The following DLG2 variants were observed in gnomAD, a reference collection of about 807,000 sequenced individuals.
DLG2 encodes discs large MAGUK scaffold protein 2.
DLG2 carries 45 observed loss-of-function variants against 132.5 expected under a neutral mutation model. The ratio of observed to expected loss-of-function variants is 0.34; its 90% confidence interval spans 0.27 to 0.44. The LOEUF (loss-of-function observed/expected upper bound fraction) is 0.44, where lower values mean the gene tolerates loss of function less well. DLG2 is among the 20% of genes least tolerant of loss of function. The pLI is 1.00. For missense variants in DLG2, 1,045 were observed against 1,196.9 expected (o/e 0.87, Z 1.87); for synonymous variants, 424 against 419.6 (o/e 1.01, Z -0.13).
chr11:84,790,595 T>C (rs975178083), intron 6 of DLG2, among the ~76,000 whole-genome samples: 1 of 152,178 alleles, frequency 6.6e-6, no homozygotes, highest in Non-Finnish European at 1.5e-5. Flanking sequence ...CTTGATGTGA[T>C]TGCATTTGTC....
intron 18 of DLG2, among the ~76,000 whole-genome samples, chr11:83,728,171 C>T (rs2090364515): frequency 6.6e-6 from 1 of 152,180 alleles, no homozygotes; most frequent in African/African-American, 2.4e-5. Context: ...CCTCTTATGT[C>T]ACGTTCCCTT....
chr11:84,274,068 T>C (rs895831824), intron 7 of DLG2, among the ~76,000 whole-genome samples: 1 of 152,194 alleles, frequency 6.6e-6, no homozygotes, highest in Non-Finnish European at 1.5e-5. Flanking sequence ...TAGGCTGGAA[T>C]GTGTTAATTC....
chr11:85,418,492 A>G (rs1427769406), intron 3 of DLG2, among the ~76,000 whole-genome samples: 1 of 152,160 alleles, frequency 6.6e-6, no homozygotes, highest in Non-Finnish European at 1.5e-5. Flanking sequence ...AGTCCTGAAT[A>G]TCCCTGTTAA....
At chr11:85,396,347 C>CA (rs1432438670) in intron 3 of DLG2, among the ~76,000 whole-genome samples, 1 of 151,848 alleles carries the variant, frequency 6.6e-6, no homozygotes, top group Non-Finnish European at 1.5e-5. Context: ...GCTGAAATTC[C>CA]AAAAAAGAGA....
chr11:85,206,340 C>T (rs1421408695), intron 4 of DLG2, among the ~76,000 whole-genome samples: 2 of 152,080 alleles, frequency 1.3e-5, no homozygotes, highest in Non-Finnish European at 2.9e-5. Flanking sequence ...CAAGAACAGA[C>T]TAATACATAG....
At chr11:83,820,616 A>C (rs2050501878) in intron 17 of DLG2, among the ~76,000 whole-genome samples, 1 of 152,150 alleles carries the variant, frequency 6.6e-6, no homozygotes, top group African/African-American at 2.4e-5. Context: ...TGGATGTTTC[A>C]AATGAAAATA....
Position 84,967,432 on chromosome 11 carries a change from T to C in DLG2, c.357+144229A>G, listed in dbSNP as rs562085321. Among the ~76,000 whole-genome samples, 15 of 152,182 alleles carry C rather than the reference T, an allele frequency of 9.9e-5. No homozygotes were observed. In the East Asian group the frequency reaches 2.7e-3, roughly 27 times the overall value. ...CACAAAATGAATGCAAGCTGTTCTT[T>C]GGGGCAGGGGCTGACAAATATTCTC... On this transcript the variant is annotated intron_variant, in intron 6 of 27. Coordinates refer to ENST00000376104, the MANE Select transcript of DLG2 (RefSeq NM_001142699.3).
At chr11:83,575,406 T>C (rs1349810838) in intron 19 of DLG2, among the ~76,000 whole-genome samples, 8 of 152,144 alleles carry the variant, frequency 5.3e-5, no homozygotes, top group Admixed American at 4.6e-4. Context: ...ACTGAGAATC[T>C]GAAGAGATCA....
intron 18 of DLG2, among the ~76,000 whole-genome samples, chr11:83,695,293 C>T (rs148613890): frequency 3.9e-5 from 6 of 152,260 alleles, no homozygotes; most frequent in Admixed American, 1.3e-4. Context: ...GCCCTTAAGA[C>T]GTTCACAGAA....
rs2089398205 is a variant in DLG2 at position 83,458,877 on chromosome 11, A to C, written c.*941T>G. On this transcript the variant is annotated 3_prime_UTR_variant, in exon 28 of 28. Coordinates refer to ENST00000376104, the MANE Select transcript of DLG2 (RefSeq NM_001142699.3). Reference sequence around the variant, plus strand: ...ATGTGCTGCATGAGAGTGTATCACTAATGTGGAAGGGAGGTAAGTGAGGAA... The same window carrying C: ...ATGTGCTGCATGAGAGTGTATCACTCATGTGGAAGGGAGGTAAGTGAGGAA... 1 of 152,202 alleles carries C rather than the reference A, an allele frequency of 6.6e-6. No individual in the cohort carries two copies. Among genetic ancestry groups the C allele is most frequent in the Non-Finnish European group, 1.5e-5 (1 of 68,034 alleles). The allele number at this position is 152,202 out of a possible 1,614,324, so 9.4% of individuals were successfully genotyped here. A position where few individuals can be genotyped will look rare whatever the true frequency, so the allele number is the denominator to read the frequency against.
intron 4 of DLG2, among the ~76,000 whole-genome samples, chr11:85,247,756 T>C (rs1433316055): frequency 1.3e-5 from 2 of 152,062 alleles, no homozygotes; most frequent in Non-Finnish European, 2.9e-5. Context: ...ACTGAAGGCT[T>C]AGCTTGCTAT....
intron 7 of DLG2, chr11:84,316,948 C>T (rs770965361): frequency 1.2e-6 from 2 of 1,612,700 alleles, no homozygotes; most frequent in Non-Finnish European, 1.7e-6. Context: ...TGAAGCTGGA[C>T]CCCCCGGTCC....
chr11:84,433,659 C>A lies in DLG2; in HGVS notation c.519+100911G>T, dbSNP rs180837155. 5.3e-5 allele frequency among the ~76,000 whole-genome samples: 8 copies of A among 152,272 alleles called. No individual in the cohort carries two copies. In the East Asian group the frequency reaches 1.5e-3, roughly 29 times the overall value. ...TATTTAGAAAAATGTCAATGTGAAT[C>A]ACCTAACATCTTTGACTTTTTTCAA... On this transcript the variant is annotated intron_variant, in intron 7 of 27. Coordinates refer to ENST00000376104, the MANE Select transcript of DLG2 (RefSeq NM_001142699.3).
intron 6 of DLG2, among the ~76,000 whole-genome samples, chr11:85,104,872 CAAAAAAAAAAAA>C (rs56043190): frequency 1.9e-3 from 106 of 56,044 alleles, no homozygotes; most frequent in African/African-American, 7.1e-3. Context: ...GGCTGAATGG[CAAAAAAAAAAAA>C]AAAAAAAAAA....
intron 8 of DLG2, chr11:84,166,859 T>C (rs181050962): frequency 8.0e-4 from 424 of 526,960 alleles, no homozygotes; most frequent in African/African-American, 7.4e-3. Context: ...CCCAATCAGG[T>C]TATCGACATA....
chr11:84,314,462 A>G (rs919382060), intron 7 of DLG2, among the ~76,000 whole-genome samples: 1 of 152,182 alleles, frequency 6.6e-6, no homozygotes, highest in African/African-American at 2.4e-5. Context: ...AGTGTATAGT[A>G]CTAACACATC....
intron 16 of DLG2, among the ~76,000 whole-genome samples, chr11:83,848,124 CTT>C (rs34648391): frequency 0.28 from 36,766 of 132,396 alleles, 5,454 homozygotes; most frequent in Middle Eastern, 0.4. Flanking sequence ...TCCCCCACAC[CTT>C]TTTTTTTTTT....
Position 84,489,291 on chromosome 11 carries a change from A to G in DLG2, c.519+45279T>C, listed in dbSNP as rs551573115. 2.0e-4 allele frequency among the ~76,000 whole-genome samples: 30 copies of G among 152,236 alleles called. 1 individual carries two copies. In the South Asian group the frequency reaches 6.0e-3, roughly 31 times the overall value. ...ATGTTCCGAAGGATAATGGTGGTTC[A>G]TCTTTCTTCTACATTTTAGTATAGG... On this transcript the variant is annotated intron_variant, in intron 7 of 27. Transcript: ENST00000376104.
chr11:83,484,132 C>G lies in DLG2; in HGVS notation c.2290G>C (p.Glu764Gln). ...TTATCTTTCAGAATCTACTTACGTT[C>G]AGGATCACTGGTTTCCTGCTCACTC... ...EQSEQETSDP[E>Q]RGQEDLILSY... The change falls in exon 22 of 28, where the codon GAA (glutamate) becomes CAA (glutamine). Residue 764 changes from glutamate to glutamine, a missense_variant. Glu to Gln is a conservative substitution (Grantham distance 29, BLOSUM62 2). Transcript: ENST00000376104. 6.2e-7 allele frequency: 1 copy of G among 1,612,054 alleles called. No homozygotes were observed. Among genetic ancestry groups the G allele is most frequent in the East Asian group, 2.2e-5 (1 of 44,852 alleles).
Sources: gnomAD v4.1 joint callset for allele counts (sites outside exome capture counted in the v4.1 genomes callset) on GRCh38, gnomAD v4.1.1 for gene constraint, MANE v1.5 for transcripts, NCBI Gene and HGNC (gene_info 2026-07-23, HGNC 2026-07-21) for gene names.